ZMAT1: variants seen among roughly 807,000 people sequenced by gnomAD.
The protein encoded by ZMAT1 is zinc finger matrin-type 1.
A neutral mutation model predicts 18.5 loss-of-function variants in ZMAT1; 11 were observed. The observed-to-expected ratio is 0.59, with a 90% confidence interval of 0.37 to 0.98. ZMAT1 has a LOEUF of 0.98. ZMAT1 is among the 50% of genes least tolerant of loss of function. The pLI is 0.01. For synonymous variants in ZMAT1, 211 were observed against 176.4 expected, an observed-to-expected ratio of 1.20 and a Z score of -1.55; for missense variants, 525 against 496.2, an observed-to-expected ratio of 1.06 and a Z score of -0.55.
chrX:101,897,873 T>A lies in ZMAT1; in HGVS notation c.671A>T (p.Glu224Val). The A allele has an allele frequency of 8.3e-7, 1 of 1,209,923 alleles. No individual in the cohort carries two copies. Among genetic ancestry groups the A allele is most frequent in the Non-Finnish European group, 1.1e-6 (1 of 894,322 alleles). ...AGAGGTGAATGGAACCTTACCCATC[T>A]CTGGTTGAAATCCTGATGGAGATGC... ...DQASPSGFQP[E>V]MAFSMRTYVC... Residue 224 changes from glutamate (E) to valine (V), a missense_variant, in exon 4 of 6, where the codon GAG (glutamate) becomes GTG (valine). Transcript: ENST00000651725.
chrX:101,930,092 C>CTTTAATA (rs1314062701), intron 1 of ZMAT1, among the ~76,000 whole-genome samples: 1 of 111,790 alleles, frequency 8.9e-6, no homozygotes, highest in Non-Finnish European at 1.9e-5. Flanking sequence ...CTCTGAAAGC[C>CTTTAATA]TTTAATATTT....
chrX:101,916,198 C>T lies in ZMAT1; in HGVS notation c.293-11868G>A, dbSNP rs751913768. 1.4e-4 allele frequency among the ~76,000 whole-genome samples: 15 copies of T among 108,115 alleles called. No homozygotes were observed. In the East Asian group the frequency reaches 3.8e-3, roughly 27 times the overall value. The allele number at this position is 108,115 out of a possible 115,157, so 93.9% of individuals were successfully genotyped here. A position where few individuals can be genotyped will look rare whatever the true frequency, so the allele number is the denominator to read the frequency against. ...AAGTGGGAGTTGAATAATGAGAACA[C>T]ACGGACACAGTGAGGGGAATAACAC... On this transcript the variant is annotated intron_variant, in intron 1 of 5. Coordinates refer to ENST00000651725, the MANE Select transcript of ZMAT1 (RefSeq NM_001394560.1).
intron 2 of ZMAT1, among the ~76,000 whole-genome samples, chrX:101,901,855 C>T (rs1482849054): frequency 1.8e-5 from 2 of 112,191 alleles, no homozygotes; most frequent in Non-Finnish European, 3.8e-5. Flanking sequence ...AGCTCTAGTT[C>T]ATTCATGCTA....
intron 1 of ZMAT1, among the ~76,000 whole-genome samples, chrX:101,910,140 T>C (rs1413026005): frequency 2.7e-5 from 3 of 112,458 alleles, no homozygotes; most frequent in Admixed American, 1.9e-4. Context: ...CCTGGTCATA[T>C]AGAGAATTCT....
At chrX:101,930,272 T>C (rs780874985) in intron 1 of ZMAT1, among the ~76,000 whole-genome samples, 19 of 112,152 alleles carry the variant, frequency 1.7e-4, no homozygotes, top group Admixed American at 1.3e-3. Context: ...TAGCTGGTTA[T>C]GGACATAAAG....
chrX:101,896,276 T>C (rs1237220844), intron 4 of ZMAT1, among the ~76,000 whole-genome samples: 1 of 112,306 alleles, frequency 8.9e-6, no homozygotes, highest in Non-Finnish European at 1.9e-5. Context: ...ATTTGTGATG[T>C]CTGCATCAGA....
intron 4 of ZMAT1, chrX:101,888,720 A>AT (rs1041642346): frequency 9.0e-6 from 1 of 111,277 alleles, no homozygotes; most frequent in Non-Finnish European, 1.9e-5. Flanking sequence ...ACATTATGAG[A>AT]TTTTTATGTG....
chrX:101,928,595 G>T (rs1213570574), intron 1 of ZMAT1, among the ~76,000 whole-genome samples: 2 of 112,538 alleles, frequency 1.8e-5, no homozygotes, highest in Admixed American at 1.9e-4. Flanking sequence ...CTGACCTCGC[G>T]ATCTGCCCGC....
chrX:101,901,366 G>A (rs1027103632), intron 2 of ZMAT1, among the ~76,000 whole-genome samples: 1 of 110,791 alleles, frequency 9.0e-6, no homozygotes, highest in Admixed American at 9.6e-5. Flanking sequence ...TGGTGAGAGT[G>A]GGCATCCTTG....
chrX:101,911,310 C>T (rs1323560119), intron 1 of ZMAT1, among the ~76,000 whole-genome samples: 2 of 111,624 alleles, frequency 1.8e-5, no homozygotes, highest in Non-Finnish European at 3.8e-5. Flanking sequence ...AAGAAAGGGA[C>T]ATTAATGAGC....
At chrX:101,898,577 A>G (rs1927993178) in intron 2 of ZMAT1, among the ~76,000 whole-genome samples, 1 of 111,988 alleles carries the variant, frequency 8.9e-6, no homozygotes, top group East Asian at 2.8e-4. Flanking sequence ...TCAATAAGAT[A>G]TAATTTGAAG....
chrX:101,915,753 C>T (rs1339673734), intron 1 of ZMAT1: 3 of 111,461 alleles, frequency 2.7e-5, no homozygotes, highest in East Asian at 2.8e-4. Context: ...CAGATGCTGG[C>T]GAGGCTGTGG....
chrX:101,913,860 G>A (rs761324600), intron 1 of ZMAT1, among the ~76,000 whole-genome samples: 1 of 111,838 alleles, frequency 8.9e-6, no homozygotes, highest in African/African-American at 3.2e-5. Context: ...GATATTTACA[G>A]AACATGTCAT....
chrX:101,929,423 T>TTATATATA (rs771032732), intron 1 of ZMAT1, among the ~76,000 whole-genome samples: 190 of 71,280 alleles, frequency 2.7e-3, no homozygotes, highest in East Asian at 4.9e-3. Context: ...TAGAGAGAGA[T>TTATATATA]TATATATATA....
Position 101,931,834 on chromosome X carries a change from G to T in ZMAT1, c.175C>A (p.Pro59Thr). Residue 59 changes from proline to threonine, a missense_variant, in exon 1 of 6, where the codon CCG becomes ACG. Coordinates refer to ENST00000651725, the MANE Select transcript of ZMAT1 (RefSeq NM_001394560.1). ...CCGTCGCCACAGCCACCGGCAGGCG[G>T]GCAGGCAGGGGCGGAGGTGGCGGAG... is the stretch of plus-strand genomic sequence containing the variant. ...ASSATSAPAC[P>T]PAGGCGDGGG... is the part of the protein sequence containing the mutation. 1 of 786,537 alleles carries T rather than the reference G, an allele frequency of 1.3e-6. No individual in the cohort carries two copies. The highest frequency in any genetic ancestry group is 1.5e-6 in the Non-Finnish European group (1 of 662,727). 64.8% of individuals were successfully genotyped at this position (786,537 alleles called of 1,213,427 possible).
intron 2 of ZMAT1, among the ~76,000 whole-genome samples, chrX:101,899,718 C>T (rs1282096943): frequency 1.8e-5 from 2 of 112,216 alleles, no homozygotes; most frequent in Admixed American, 9.4e-5. Context: ...TGGGCATTTG[C>T]GTTGGTTCCA....
chrX:101,894,886 A>G, intron 4 of ZMAT1: 1 of 753,035 alleles, frequency 1.3e-6, no homozygotes, highest in Non-Finnish European at 1.6e-6. Flanking sequence ...AATAAAATAC[A>G]CTAGTAGTGA....
Position 101,898,164 on chromosome X carries a change from A to G in ZMAT1, c.456T>C (p.Asn152=). The change falls in exon 3 of 6, where the codon AAT becomes AAC. Residue 152 remains asparagine (N), a synonymous_variant. Transcript: ENST00000651725. ...SFYFQMHGEQ[N]EVPGKKMKMH... is the part of the protein sequence containing the mutation. Reference sequence around the variant, plus strand: ...TCTTCATTTTCTTACCAGGCACTTCATTTTGTTCCCCATGCATTTGAAAAT... The same window carrying G: ...TCTTCATTTTCTTACCAGGCACTTCGTTTTGTTCCCCATGCATTTGAAAAT... The G allele has an allele frequency of 8.3e-7, 1 of 1,211,405 alleles. No homozygotes were observed. The highest frequency in any genetic ancestry group is 1.1e-6 in the Non-Finnish European group (1 of 895,305).
At chrX:101,904,070 C>T (rs1234924072) in intron 2 of ZMAT1, among the ~76,000 whole-genome samples, 154 bp downstream of exon 2, 2 of 111,731 alleles carry the variant, frequency 1.8e-5, no homozygotes, top group Non-Finnish European at 3.8e-5. Context: ...ATATTACCAT[C>T]CCTTTCTGAG....
Sources: allele counts gnomAD v4.1 joint callset (sites outside exome capture counted in the v4.1 genomes callset), GRCh38; gene constraint gnomAD v4.1.1; transcripts MANE v1.5; gene names NCBI Gene and HGNC (gene_info 2026-07-23, HGNC 2026-07-21).